ARHGAP18: variants seen among roughly 807,000 people sequenced by gnomAD.
The protein encoded by ARHGAP18 is Rho GTPase activating protein 18.
ARHGAP18 carries 67 observed loss-of-function variants against 86.2 expected under a neutral mutation model. The observed-to-expected ratio is 0.78, with a 90% CI of 0.64 to 0.95. The LOEUF is 0.95. Ranked by LOEUF, ARHGAP18 falls within the 40% of genes least tolerant of loss-of-function variation. The pLI, the probability that ARHGAP18 is intolerant of heterozygous loss-of-function variation, is 0.00. For synonymous variants in ARHGAP18, 283 were observed against 280.4 expected (o/e 1.01, Z -0.09); for missense variants, 691 against 780.4 (o/e 0.89, Z 1.37).
At chr6:129,603,991 T>C (rs1562685622) in intron 10 of ARHGAP18, among the ~76,000 whole-genome samples, 1 of 152,224 alleles carries the variant, frequency 6.6e-6, no homozygotes, top group Non-Finnish European at 1.5e-5. Flanking sequence ...TTAGACTTCC[T>C]GAAATTATAT....
chr6:129,693,202 G>A (rs1381448117), intron 1 of ARHGAP18, among the ~76,000 whole-genome samples: 2 of 152,174 alleles, frequency 1.3e-5, no homozygotes, highest in South Asian at 4.2e-4. Context: ...CAAGGGTACT[G>A]AAACAATCTA....
At chr6:129,587,025 A>C (rs534309082) in intron 12 of ARHGAP18, among the ~76,000 whole-genome samples, 20 of 152,276 alleles carry the variant, frequency 1.3e-4, no homozygotes, top group African/African-American at 4.6e-4. Flanking sequence ...TGTATGCCAC[A>C]TATCTGACTC....
At chr6:129,644,096 G>A (rs924607716) in intron 1 of ARHGAP18, among the ~76,000 whole-genome samples, 3 of 152,168 alleles carry the variant, frequency 2.0e-5, no homozygotes, top group Admixed American at 2.0e-4. Context: ...TTGGGGTGGC[G>A]ATGGGTGGGA....
At chr6:129,600,877 G>A (rs770524233) in intron 10 of ARHGAP18, 29 bp from the exon 11 acceptor site, 4 of 1,568,268 alleles carry the variant, frequency 2.6e-6, no homozygotes, top group Non-Finnish European at 3.5e-6. Flanking sequence ...TTTGAGATTT[G>A]TGTCATATAT....
At position 129,634,309 on chromosome 6, in the gene ARHGAP18, T is replaced by C. The variant is rs578016084; in HGVS notation, c.553-204A>G. On this transcript the variant is annotated intron_variant, in intron 3 of 14. Coordinates refer to ENST00000368149, the MANE Select transcript of ARHGAP18 (RefSeq NM_033515.3). ...ATTACCTACAACTTGTAAGAGACAA[T>C]AGTAGGCCCAGTGGGAAATATTAAA... Among the ~76,000 whole-genome samples, 64 of 152,064 alleles carry C rather than the reference T, an allele frequency of 4.2e-4. 2 individuals are homozygous for C. In the South Asian group the frequency reaches 7.3e-3, roughly 17 times the overall value.
At chr6:129,620,366 G>A (rs1789202402) in intron 5 of ARHGAP18, among the ~76,000 whole-genome samples, 1 of 152,144 alleles carries the variant, frequency 6.6e-6, no homozygotes, top group Non-Finnish European at 1.5e-5. Flanking sequence ...TTTGGATTAG[G>A]GATACTCAAC....
At chr6:129,603,281 A>G (rs1231968930) in intron 10 of ARHGAP18, among the ~76,000 whole-genome samples, 1 of 152,108 alleles carries the variant, frequency 6.6e-6, no homozygotes, top group Non-Finnish European at 1.5e-5. Context: ...ACTTAGAATA[A>G]TGGCTTCCGG....
chr6:129,589,419 C>A (rs866575308), intron 12 of ARHGAP18, among the ~76,000 whole-genome samples: 4 of 152,190 alleles, frequency 2.6e-5, no homozygotes, highest in Non-Finnish European at 2.9e-5. Context: ...CAGTTGCCAA[C>A]AAGTTCCTCA....
At chr6:129,633,203 A>C (rs910306895) in intron 4 of ARHGAP18, among the ~76,000 whole-genome samples, 9 of 151,636 alleles carry the variant, frequency 5.9e-5, no homozygotes, top group African/African-American at 2.2e-4. Context: ...CCAGGCAGGC[A>C]GATCATTTGA....
At chr6:129,655,908 T>C (rs1321258515) in intron 1 of ARHGAP18, among the ~76,000 whole-genome samples, 1 of 152,258 alleles carries the variant, frequency 6.6e-6, no homozygotes, top group African/African-American at 2.4e-5. Flanking sequence ...ATTGCAGTTA[T>C]GGTTTTAAAA....
chr6:129,578,649 G>T (rs758928284), intron 14 of ARHGAP18, 45 bp from the exon 15 acceptor site: 2 of 1,461,252 alleles, frequency 1.4e-6, no homozygotes, highest in South Asian at 1.2e-5. Context: ...CAGGTAGATT[G>T]GTATGCAATT....
chr6:129,705,008 T>C (rs1392572744), intron 1 of ARHGAP18, among the ~76,000 whole-genome samples: 1 of 152,192 alleles, frequency 6.6e-6, no homozygotes, highest in Non-Finnish European at 1.5e-5. Flanking sequence ...CTACCCACTA[T>C]CTGCCTTAAA....
At chr6:129,610,931 C>T (rs1376546398) in intron 8 of ARHGAP18, among the ~76,000 whole-genome samples, 1 of 152,110 alleles carries the variant, frequency 6.6e-6, no homozygotes, top group Non-Finnish European at 1.5e-5. Context: ...TCTTATTGCT[C>T]TGTCACCCAG....
intron 12 of ARHGAP18, among the ~76,000 whole-genome samples, chr6:129,596,158 C>T (rs1030844757): frequency 4.6e-5 from 7 of 152,160 alleles, no homozygotes; most frequent in African/African-American, 9.7e-5. Flanking sequence ...CCCCATTTCA[C>T]TCAGAGTAAA....
At chr6:129,597,880 TAAAGA>T (rs937834468) in intron 12 of ARHGAP18, among the ~76,000 whole-genome samples, 1 of 152,154 alleles carries the variant, frequency 6.6e-6, no homozygotes, top group African/African-American at 2.4e-5. Flanking sequence ...AAGTGCAAAC[TAAAGA>T]AGTTAATGCT....
At chr6:129,699,737 C>T (rs189880791) in intron 1 of ARHGAP18, among the ~76,000 whole-genome samples, 50 of 152,264 alleles carry the variant, frequency 3.3e-4, no homozygotes, top group African/African-American at 1.0e-3. Context: ...TTCATCCTTT[C>T]GCTAGTTACG....
intron 5 of ARHGAP18, among the ~76,000 whole-genome samples, chr6:129,626,790 G>C (rs1789484899): frequency 6.6e-6 from 1 of 152,022 alleles, no homozygotes; most frequent in Non-Finnish European, 1.5e-5. Context: ...AGAATGCTGT[G>C]CATTAACTTA....
chr6:129,693,494 T>A (rs927253308), intron 1 of ARHGAP18, among the ~76,000 whole-genome samples: 5 of 152,186 alleles, frequency 3.3e-5, no homozygotes, highest in East Asian at 1.9e-4. Context: ...CTGCTCTATC[T>A]ACAGGAATTC....
In ARHGAP18 at chr6:129,578,391, C is replaced by T; in HGVS notation, c.*122G>A. 1 of 579,310 alleles carries T rather than the reference C, an allele frequency of 1.7e-6. No homozygotes were observed. Among genetic ancestry groups the T allele is most frequent in the Non-Finnish European group, 2.8e-6 (1 of 353,560 alleles). The allele number at this position is 579,310 out of a possible 1,614,324, so 35.9% of individuals were successfully genotyped here. A position where few individuals can be genotyped will look rare whatever the true frequency, so the allele number is the denominator to read the frequency against. On this transcript the variant is annotated 3_prime_UTR_variant, in exon 15 of 15. Coordinates refer to ENST00000368149, the MANE Select transcript of ARHGAP18 (RefSeq NM_033515.3). ...ATGACTTTTTAAGGCTTAAGAGAGTCATTTTTAAATACTTGGGTACAACTG... is the reference window on the plus strand; with the variant it reads ...ATGACTTTTTAAGGCTTAAGAGAGTTATTTTTAAATACTTGGGTACAACTG...
Sources: allele counts gnomAD v4.1 joint callset (sites outside exome capture counted in the v4.1 genomes callset), GRCh38; gene constraint gnomAD v4.1.1; transcripts MANE v1.5; gene names NCBI Gene and HGNC (gene_info 2026-07-23, HGNC 2026-07-21).